The following UCHL3 variants were observed in gnomAD, a reference collection of about 807,000 sequenced individuals.
UCHL3 encodes the protein ubiquitin carboxyl-terminal hydrolase isozyme L3.
In UCHL3, 22 loss-of-function variants were observed where a neutral mutation model predicts 35.8. The ratio of observed to expected loss-of-function variants is 0.61; its 90% confidence interval spans 0.44 to 0.88. UCHL3 has a LOEUF of 0.88. UCHL3 is among the 40% of genes least tolerant of loss of function. The probability of loss-of-function intolerance (pLI) is 0.00; values close to 1 mark genes in which losing one functional copy is unlikely to be tolerated. For synonymous variants in UCHL3, 90 were observed against 92.8 expected, an observed-to-expected ratio of 0.97 and a Z score of 0.17; for missense variants, 229 against 276.9, an observed-to-expected ratio of 0.83 and a Z score of 1.23.
chr13:75,601,250 T>C (rs1210323444), intron 7 of UCHL3, among the ~76,000 whole-genome samples: 1 of 152,206 alleles, frequency 6.6e-6, no homozygotes, highest in Non-Finnish European at 1.5e-5. Context: ...ATTACATAAA[T>C]GTAGTTGATA....
intron 2 of UCHL3, among the ~76,000 whole-genome samples, chr13:75,560,347 C>T (rs2031452099): frequency 6.6e-6 from 1 of 152,078 alleles, no homozygotes; most frequent in Non-Finnish European, 1.5e-5. Flanking sequence ...TGATGAAGTC[C>T]AGGCTTATTA....
At chr13:75,570,694 A>G (rs902300006) in intron 6 of UCHL3, among the ~76,000 whole-genome samples, 2 of 152,230 alleles carry the variant, frequency 1.3e-5, no homozygotes, top group Non-Finnish European at 2.9e-5. Context: ...GGATCGCTTG[A>G]GGCCAGGAGT....
rs759272498 is a variant in UCHL3 at position 75,560,710 on chromosome 13, A to G, written c.55-43A>G. On this transcript the variant is annotated intron_variant, in intron 2 of 8. Coordinates refer to ENST00000377595, the MANE Select transcript of UCHL3 (RefSeq NM_006002.5). ...ATAGTATACTAGTTTTCTTTTACCAACTAATGTTCCATTGTTTTTTTTTTC... is the reference window on the plus strand; with the variant it reads ...ATAGTATACTAGTTTTCTTTTACCAGCTAATGTTCCATTGTTTTTTTTTTC... The G allele has an allele frequency of 3.9e-6, 6 of 1,553,210 alleles. No homozygotes were observed. The African/African-American group carries it at 8.3e-5, about 22-fold the overall frequency.
intron 6 of UCHL3, among the ~76,000 whole-genome samples, chr13:75,585,122 AT>A (rs2032286988): frequency 6.6e-6 from 1 of 152,090 alleles, no homozygotes; most frequent in African/African-American, 2.4e-5. Flanking sequence ...ATGGCCAACT[AT>A]TTTCCAAAAA....
intron 6 of UCHL3, among the ~76,000 whole-genome samples, chr13:75,585,037 G>C (rs1275947810): frequency 6.6e-6 from 1 of 151,572 alleles, no homozygotes; most frequent in African/African-American, 2.4e-5. Flanking sequence ...AGAAGGAGAA[G>C]AGAGATGGAA....
chr13:75,590,020 C>T lies in UCHL3; in HGVS notation c.475-4895C>T, dbSNP rs545089974. 8 of 1,304,740 alleles carry T rather than the reference C, an allele frequency of 6.1e-6. No individual in the cohort carries two copies. The South Asian group carries it at 9.9e-5, about 16-fold the overall frequency. 80.8% of individuals were successfully genotyped at this position (1,304,740 alleles called of 1,614,324 possible). A position where few individuals can be genotyped will look rare whatever the true frequency, so the allele number is the denominator to read the frequency against. ...TCATTGTGTCACCATGCATCCCTGCCCTGGGTCAAACGTAACCATGTAGGC... is the reference window on the plus strand; with the variant it reads ...TCATTGTGTCACCATGCATCCCTGCTCTGGGTCAAACGTAACCATGTAGGC... On this transcript the variant is annotated intron_variant, in intron 6 of 8. Coordinates refer to ENST00000377595, the MANE Select transcript of UCHL3 (RefSeq NM_006002.5).
At chr13:75,585,323 A>G (rs552583324) in intron 6 of UCHL3, among the ~76,000 whole-genome samples, 4 of 152,210 alleles carry the variant, frequency 2.6e-5, no homozygotes, top group African/African-American at 9.6e-5. Flanking sequence ...TGAAAAAGAC[A>G]GAGTAGATAC....
chr13:75,602,844 A>G (rs1273058938), intron 7 of UCHL3, among the ~76,000 whole-genome samples: 1 of 152,216 alleles, frequency 6.6e-6, no homozygotes, highest in African/African-American at 2.4e-5. Flanking sequence ...GCTATTATAA[A>G]AATAGACTGT....
chr13:75,552,283 T>G (rs1274149779), intron 2 of UCHL3, among the ~76,000 whole-genome samples: 1 of 152,196 alleles, frequency 6.6e-6, no homozygotes, highest in Non-Finnish European at 1.5e-5. Context: ...GGATAGAAAT[T>G]TAGTTAACTG....
intron 6 of UCHL3, among the ~76,000 whole-genome samples, chr13:75,584,834 A>T (rs1404281814): frequency 6.6e-6 from 1 of 152,192 alleles, no homozygotes; most frequent in Non-Finnish European, 1.5e-5. Flanking sequence ...CCATTAACAG[A>T]TTCACCAGTA....
chr13:75,560,452 A>C (rs140451739), intron 2 of UCHL3, among the ~76,000 whole-genome samples: 13 of 152,292 alleles, frequency 8.5e-5, no homozygotes, highest in African/African-American at 2.9e-4. Context: ...ATAAATTGCT[A>C]TCTCTTCTCA....
At chr13:75,563,920 C>CTGTATG (rs1555273468) in intron 3 of UCHL3, among the ~76,000 whole-genome samples, 1 of 149,372 alleles carries the variant, frequency 6.7e-6, no homozygotes, top group Non-Finnish European at 1.5e-5. Flanking sequence ...AATAATATTT[C>CTGTATG]TGTGTGTGTG....
At chr13:75,600,310 G>C (rs1283391898) in intron 7 of UCHL3, among the ~76,000 whole-genome samples, 3 of 152,220 alleles carry the variant, frequency 2.0e-5, no homozygotes, top group Admixed American at 1.3e-4. Flanking sequence ...GTAAACAACA[G>C]ATTTTCCATG....
chr13:75,589,036 A>G (rs2032403495), intron 6 of UCHL3, among the ~76,000 whole-genome samples: 1 of 152,168 alleles, frequency 6.6e-6, no homozygotes, highest in Non-Finnish European at 1.5e-5. Context: ...TAACCTTATC[A>G]GAATTATTTC....
At chr13:75,570,218 A>T (rs1024040721) in intron 6 of UCHL3, among the ~76,000 whole-genome samples, 7 of 152,124 alleles carry the variant, frequency 4.6e-5, no homozygotes, top group Non-Finnish European at 7.4e-5. Flanking sequence ...TTCTTATCCC[A>T]TATGTGACTT....
chr13:75,589,086 T>C (rs770358564), intron 6 of UCHL3, among the ~76,000 whole-genome samples: 13 of 152,194 alleles, frequency 8.5e-5, no homozygotes, highest in Non-Finnish European at 1.8e-4. Flanking sequence ...CATTAACATA[T>C]TTTTCTTGGT....
intron 6 of UCHL3, among the ~76,000 whole-genome samples, chr13:75,594,128 T>C (rs2032581732): frequency 6.6e-6 from 1 of 152,224 alleles, no homozygotes; most frequent in Non-Finnish European, 1.5e-5. Flanking sequence ...TTAATCAATG[T>C]ATCGACTTTG....
chr13:75,587,547 ACTTAT>A (rs2032359944), intron 6 of UCHL3, among the ~76,000 whole-genome samples: 1 of 152,154 alleles, frequency 6.6e-6, no homozygotes, highest in African/African-American at 2.4e-5. Context: ...GATATATGTA[ACTTAT>A]CTTCAAATGA....
intron 7 of UCHL3, among the ~76,000 whole-genome samples, chr13:75,597,668 C>T (rs1280703280): frequency 6.6e-6 from 1 of 152,080 alleles, no homozygotes; most frequent in Admixed American, 6.5e-5. Context: ...TGTCAAGGGG[C>T]TTGAACATCT....
Sources: allele counts gnomAD v4.1 joint callset (sites outside exome capture counted in the v4.1 genomes callset), GRCh38; gene constraint gnomAD v4.1.1; transcripts MANE v1.5; gene names NCBI Gene and HGNC (gene_info 2026-07-23, HGNC 2026-07-21).